Variants in MKLN1 observed in about 807,000 individuals in gnomAD.
The protein encoded by MKLN1 is muskelin 1, also known as muskelin.
In MKLN1, 18 loss-of-function variants were observed where a neutral mutation model predicts 99.0. The ratio of observed to expected loss-of-function variants is 0.18; its 90% CI spans 0.13 to 0.27. MKLN1 has a LOEUF of 0.27. Among genes scored for constraint, MKLN1 ranks in the 10% least tolerant of loss-of-function variants. The pLI is 1.00. For missense variants in MKLN1, 621 were observed against 875.9 expected, an observed-to-expected ratio of 0.71 and a Z score of 3.67; for synonymous variants, 288 against 293.2, an observed-to-expected ratio of 0.98 and a Z score of 0.18.
chr7:131,218,837 G>A (rs1461376462), intron 3 of MKLN1, among the ~76,000 whole-genome samples: 1 of 152,096 alleles, frequency 6.6e-6, no homozygotes, highest in South Asian at 2.1e-4. Flanking sequence ...TTATCTGCCT[G>A]AGATCAGTCT....
upstream of MKLN1, among the ~76,000 whole-genome samples, chr7:131,326,388 AG>A (rs1430550212): frequency 6.6e-6 from 1 of 152,232 alleles, no homozygotes. Flanking sequence ...TCTGTTGCCC[AG>A]GCTGGAGTGC....
At chr7:131,272,706 A>T (rs1312878108) in intron 3 of MKLN1, among the ~76,000 whole-genome samples, 2 of 152,224 alleles carry the variant, frequency 1.3e-5, no homozygotes, top group African/African-American at 4.8e-5. Flanking sequence ...GGTGAAAGGC[A>T]CTTCTTACAT....
chr7:131,337,403 TTCC>T (rs1436121442), intron 1 of MKLN1, among the ~76,000 whole-genome samples: 1 of 152,216 alleles, frequency 6.6e-6, no homozygotes, highest in Non-Finnish European at 1.5e-5. Flanking sequence ...TATGATTTTT[TTCC>T]TCCTCTTATC....
At chr7:131,441,577 A>C (rs1255510459) in intron 10 of MKLN1, among the ~76,000 whole-genome samples, 1 of 152,188 alleles carries the variant, frequency 6.6e-6, no homozygotes. Context: ...GCTTTTCAGA[A>C]ATTTTTTCGG....
rs560859020 is a variant in MKLN1, at chr7:131,331,579, G to C, written c.98+3582G>C. ...GCAGGAGGATCACTTGTGCCCAGGA[G>C]TTTGAGACCAGCATGGGCAACACAA... On this transcript the variant is annotated intron_variant, in intron 1 of 17. Transcript: ENST00000352689. 2.6e-5 allele frequency among the ~76,000 whole-genome samples: 4 copies of C among 152,238 alleles called. No individual in the cohort carries two copies. In the East Asian group the frequency reaches 7.7e-4, roughly 29 times the overall value.
chr7:131,392,269 G>A (rs1465512526), intron 4 of MKLN1, among the ~76,000 whole-genome samples: 4 of 152,140 alleles, frequency 2.6e-5, no homozygotes, highest in Non-Finnish European at 5.9e-5. Flanking sequence ...GTGGATTTTT[G>A]TAAAGGAGTC....
chr7:131,283,643 C>T (rs1798091706), intron 3 of MKLN1, among the ~76,000 whole-genome samples: 1 of 152,006 alleles, frequency 6.6e-6, no homozygotes, highest in Non-Finnish European at 1.5e-5. Context: ...TGATGTTGCT[C>T]AGGCTGGTCT....
In MKLN1 at chr7:131,131,837, T is replaced by C. The variant is rs553891496; in HGVS notation, c.-418-10983T>C. ...GAAAAGGAAGGCAAGAAAACCAACA[T>C]TTATTGAGAACTTACATCAGGTATT... On this transcript the variant is annotated intron_variant, in intron 1 of 7. Coordinates refer to the MKLN1 transcript ENST00000416992. Among the ~76,000 whole-genome samples, 7 of 152,270 alleles carry C rather than the reference T, an allele frequency of 4.6e-5. No individual in the cohort carries two copies. The East Asian group carries it at 1.4e-3, about 29-fold the overall frequency.
At chr7:131,468,781 T>C (rs1452736677) in intron 15 of MKLN1, among the ~76,000 whole-genome samples, 1 of 152,144 alleles carries the variant, frequency 6.6e-6, no homozygotes, top group Non-Finnish European at 1.5e-5. Context: ...TGGCCAAAAA[T>C]AGCTTAGAAA....
intron 3 of MKLN1, among the ~76,000 whole-genome samples, chr7:131,311,427 A>C (rs184067476): frequency 2.0e-5 from 3 of 152,288 alleles, no homozygotes. Flanking sequence ...ACCAAGACAC[A>C]TTAAAATTTT....
chr7:131,184,587 T>C (rs1057170327), intron 2 of MKLN1, among the ~76,000 whole-genome samples: 2 of 151,940 alleles, frequency 1.3e-5, no homozygotes, highest in Admixed American at 1.3e-4. Context: ...TGCAATGGCG[T>C]GGTCTCGGTT....
chr7:131,486,954 C>T (rs1441389118), intron 17 of MKLN1, among the ~76,000 whole-genome samples: 1 of 152,066 alleles, frequency 6.6e-6, no homozygotes, highest in Non-Finnish European at 1.5e-5. Context: ...TTATTCCTCA[C>T]ATAATGTGTG....
intron 1 of MKLN1, among the ~76,000 whole-genome samples, chr7:131,357,644 A>G (rs2116788932): frequency 6.6e-6 from 1 of 152,218 alleles, no homozygotes; most frequent in South Asian, 2.1e-4. Context: ...TTGTTGCTCA[A>G]AATGTTCCGG....
chr7:131,344,392 A>AT (rs1447790387), intron 1 of MKLN1, among the ~76,000 whole-genome samples: 2 of 152,066 alleles, frequency 1.3e-5, no homozygotes, highest in Admixed American at 6.6e-5. Context: ...CTATCAAAGG[A>AT]TTTTTTAATA....
intron 1 of MKLN1, among the ~76,000 whole-genome samples, chr7:131,345,273 G>A (rs1799525972): frequency 6.6e-6 from 1 of 152,126 alleles, no homozygotes; most frequent in Admixed American, 6.5e-5. Context: ...TTACGATTTT[G>A]GAATATTTGC....
rs1795716695 is a variant in MKLN1, at chr7:131,437,770, T to C, written c.961-15T>C. 1.3e-6 allele frequency: 2 copies of C among 1,558,888 alleles called. No homozygotes were observed. The highest frequency in any genetic ancestry group is 2.7e-5 in the African/African-American group (2 of 73,498). On this transcript the variant is annotated splice_polypyrimidine_tract_variant and intron_variant, in intron 9 of 17. Coordinates refer to ENST00000352689, the MANE Select transcript of MKLN1 (RefSeq NM_013255.5). ...TTTATTTGTTTATTTATTTATTTTC[T>C]CTCTCTCTCTACAGAATGGTCCTAG...
chr7:131,404,846 C>G (rs1794653840), intron 6 of MKLN1, among the ~76,000 whole-genome samples: 1 of 152,152 alleles, frequency 6.6e-6, no homozygotes, highest in African/African-American at 2.4e-5. Context: ...ATCCACCTGC[C>G]TTGGCCTCCC....
intron 3 of MKLN1, among the ~76,000 whole-genome samples, chr7:131,256,115 A>C (rs1797654400): frequency 1.3e-5 from 2 of 151,928 alleles, no homozygotes; most frequent in African/African-American, 4.8e-5. Flanking sequence ...CATGTTGTCC[A>C]GGCTGGTCTC....
intron 1 of MKLN1, among the ~76,000 whole-genome samples, chr7:131,125,697 T>A (rs543244799): frequency 6.6e-6 from 1 of 151,990 alleles, no homozygotes; most frequent in African/African-American, 2.4e-5. Flanking sequence ...AAAGTGAGAC[T>A]TCTGTCTCTG....
Sources: gnomAD v4.1 joint callset for allele counts (sites outside exome capture counted in the v4.1 genomes callset) on GRCh38, gnomAD v4.1.1 for gene constraint, MANE v1.5 for transcripts, NCBI Gene and HGNC (gene_info 2026-07-23, HGNC 2026-07-21) for gene names.